Variants in RUNX1T1 observed in about 807,000 individuals in gnomAD.
The protein encoded by RUNX1T1 is RUNX1 partner transcriptional co-repressor 1.
In RUNX1T1, 4 loss-of-function variants were observed where a neutral mutation model predicts 62.8. The observed-to-expected ratio is 0.06, with a 90% CI of 0.03 to 0.15. The LOEUF (loss-of-function observed/expected upper bound fraction) is 0.15, where lower values mean the gene tolerates loss of function less well. Among genes scored for constraint, RUNX1T1 ranks in the 10% least tolerant of loss-of-function variants. RUNX1T1 has a pLI of 1.00. For synonymous variants in RUNX1T1, 291 were observed against 286.0 expected (o/e 1.02, Z -0.18); for missense variants, 508 against 754.3 (o/e 0.67, Z 3.82).
At chr8:92,017,423 G>A (rs774824483) in intron 1 of RUNX1T1, 60 bp from the exon 3 acceptor site, 4 of 1,612,858 alleles carry the variant, frequency 2.5e-6, no homozygotes, top group African/African-American at 1.3e-5. Flanking sequence ...TTTTTCAAGT[G>A]GGGTTTATCT....
chr8:91,962,270 GAAAT>G (rs1055145517), intron 10 of RUNX1T1, among the ~76,000 whole-genome samples: 6 of 149,092 alleles, frequency 4.0e-5, no homozygotes, highest in African/African-American at 1.6e-4. Flanking sequence ...ACAAAAAACA[GAAAT>G]AAAAAAGAAA....
chr8:92,081,713 G>A (rs565946811), intron 1 of RUNX1T1, among the ~76,000 whole-genome samples: 64 of 151,518 alleles, frequency 4.2e-4, no homozygotes, highest in Admixed American at 8.5e-4. Flanking sequence ...ATCTGCATTC[G>A]TGGTTGATGG....
intron 1 of RUNX1T1, chr8:92,062,418 A>AC: frequency 9.9e-7 from 1 of 1,011,388 alleles, no homozygotes; most frequent in Non-Finnish European, 1.6e-6. Flanking sequence ...CACCTCTGTC[A>AC]CCCCCAGCCT....
At chr8:92,067,190 TAGA>T (rs1370403213), upstream of RUNX1T1, among the ~76,000 whole-genome samples, 1 of 152,178 alleles carries the variant, frequency 6.6e-6, no homozygotes, top group Middle Eastern at 3.2e-3. Flanking sequence ...ACATGCTGGA[TAGA>T]GGAAACCTAT....
intron 1 of RUNX1T1, among the ~76,000 whole-genome samples, chr8:92,050,442 A>G (rs1830059906): frequency 6.6e-6 from 1 of 152,208 alleles, no homozygotes; most frequent in Admixed American, 6.5e-5. Context: ...GTGATAGATC[A>G]GGTACCTATT....
chr8:91,986,960 G>T (rs750338988), exon 7 of RUNX1T1: 2 of 1,610,502 alleles, frequency 1.2e-6, no homozygotes, highest in East Asian at 2.2e-5. Context: ...TTCTTGACGT[G>T]TGCCATGCAA....
At chr8:91,960,348 A>C in exon 11 of RUNX1T1, 1 of 1,613,862 alleles carries the variant, frequency 6.2e-7, no homozygotes, top group Non-Finnish European at 8.5e-7. Flanking sequence ...GTTGGGCGTG[A>C]CAGAGGAGCT....
intron 1 of RUNX1T1, among the ~76,000 whole-genome samples, chr8:92,024,407 G>T (rs1288788827): frequency 2.0e-5 from 3 of 147,490 alleles, no homozygotes; most frequent in African/African-American, 7.6e-5. Flanking sequence ...TATGCAGGAG[G>T]TTGAGGCAGG....
At position 92,062,682 on chromosome 8, in the gene RUNX1T1, C is replaced by CCGGAGGCAGGGTGCTGGG. The variant is rs369294450; in HGVS notation, c.-148_-131dup. The CCGGAGGCAGGGTGCTGGG allele has an allele frequency of 9.4e-3, 15,089 of 1,612,598 alleles. 92 individuals carry two copies. The highest frequency in any genetic ancestry group is 0.011 in the Non-Finnish European group (12,938 of 1,179,442). On this transcript the variant is annotated 5_prime_UTR_variant, in exon 1 of 11. Transcript: ENST00000396218. ...CATCAGAGGGGCTGGGGCGGCATCG[C>CCGGAGGCAGGGTGCTGGG]CGGAGGCAGGGTGCTGGGCGCGTGC...
intron 3 of RUNX1T1, among the ~76,000 whole-genome samples, chr8:92,013,348 G>A (rs1272803978): frequency 6.6e-6 from 1 of 152,178 alleles, no homozygotes; most frequent in Non-Finnish European, 1.5e-5. Flanking sequence ...TTGGAGTAGG[G>A]AGGAGAGGCA....
chr8:92,034,803 C>CATATATATATACAT (rs1563811111), intron 1 of RUNX1T1, among the ~76,000 whole-genome samples: 6 of 99,014 alleles, frequency 6.1e-5, no homozygotes, highest in African/African-American at 1.6e-4. Context: ...TATATACACA[C>CATATATATATACAT]ACACACACAC....
downstream of RUNX1T1, chr8:91,958,728 C>CAAAAAAAAAAAAAAAAAAAAAAAA (rs34044770): frequency 1.6e-5 from 2 of 128,958 alleles, no homozygotes; most frequent in Non-Finnish European, 1.6e-5. Context: ...AGAATTTGCT[C>CAAAAAAAAAAAAAAAAAAAAAAAA]AAAAAAAAAA....
At chr8:92,060,522 AATATATAT>A (rs61066655) in intron 1 of RUNX1T1, among the ~76,000 whole-genome samples, 22 of 76,310 alleles carry the variant, frequency 2.9e-4, no homozygotes, top group South Asian at 1.9e-3. Flanking sequence ...TCAACTACCA[AATATATAT>A]ATATATATAT....
intron 2 of RUNX1T1, among the ~76,000 whole-genome samples, chr8:92,069,185 A>G (rs1461739673): frequency 6.6e-6 from 1 of 151,408 alleles, no homozygotes; most frequent in African/African-American, 2.4e-5. Flanking sequence ...CATGTATTAT[A>G]TTTTGAAAAA....
chr8:92,021,983 C>CCATATG (rs1201019396), intron 1 of RUNX1T1, among the ~76,000 whole-genome samples: 6 of 151,132 alleles, frequency 4.0e-5, no homozygotes, highest in African/African-American at 1.5e-4. Flanking sequence ...CCCTCAACTG[C>CCATATG]CCCGAGCAAC....
chr8:92,000,765 C>T (rs1020913088), intron 5 of RUNX1T1, among the ~76,000 whole-genome samples: 1 of 152,154 alleles, frequency 6.6e-6, no homozygotes, highest in African/African-American at 2.4e-5. Flanking sequence ...AGCTGTGGCT[C>T]TTCTGTCGTT....
intron 4 of RUNX1T1, among the ~76,000 whole-genome samples, chr8:92,008,386 T>TCACACACACACACA (rs1320545508): frequency 2.0e-5 from 1 of 49,100 alleles, no homozygotes; most frequent in African/African-American, 7.5e-5. Flanking sequence ...TCTCTCTCTC[T>TCACACACACACACA]CTCACACACA....
At chr8:92,021,256 T>A (rs1824036508) in intron 1 of RUNX1T1, among the ~76,000 whole-genome samples, 1 of 152,184 alleles carries the variant, frequency 6.6e-6, no homozygotes, top group African/African-American at 2.4e-5. Flanking sequence ...TAGAGAGGCA[T>A]CAAGGTGGGT....
At chr8:91,972,596 G>T (rs948064423) in intron 9 of RUNX1T1, among the ~76,000 whole-genome samples, 17 of 151,982 alleles carry the variant, frequency 1.1e-4, no homozygotes, top group African/African-American at 3.9e-4. Flanking sequence ...TACAGCCAGG[G>T]TCTAATTTAG....
Sources: gnomAD v4.1 joint callset for allele counts (sites outside exome capture counted in the v4.1 genomes callset) on GRCh38, gnomAD v4.1.1 for gene constraint, MANE v1.5 for transcripts, NCBI Gene and HGNC (gene_info 2026-07-23, HGNC 2026-07-21) for gene names.